Variants in LPP observed in about 807,000 individuals in gnomAD.
The protein encoded by LPP is lipoma-preferred partner.
A neutral mutation model predicts 60.4 loss-of-function variants in LPP; 38 were observed. The ratio of observed to expected loss-of-function variants is 0.63; its 90% CI spans 0.49 to 0.83. LPP has a LOEUF of 0.83. LPP is among the 40% of genes least tolerant of loss of function. LPP has a pLI of 0.00. For missense variants in LPP, 902 were observed against 783.6 expected (o/e 1.15, Z -1.80); for synonymous variants, 328 against 290.8 (o/e 1.13, Z -1.30).
intron 7 of LPP, among the ~76,000 whole-genome samples, chr3:188,618,289 T>G (rs576151971): frequency 6.6e-6 from 1 of 152,252 alleles, no homozygotes; most frequent in Non-Finnish European, 1.5e-5. Context: ...TAATACAGTT[T>G]GGTTTATTTC....
At chr3:188,484,157 T>C (rs1479408664) in intron 4 of LPP, among the ~76,000 whole-genome samples, 3 of 152,228 alleles carry the variant, frequency 2.0e-5, no homozygotes, top group African/African-American at 7.2e-5. Flanking sequence ...GAGACTTCCA[T>C]GATCCTCCAC....
intron 7 of LPP, among the ~76,000 whole-genome samples, chr3:188,681,117 C>T (rs1336986596): frequency 1.3e-5 from 2 of 151,940 alleles, no homozygotes; most frequent in African/African-American, 4.8e-5. Context: ...CTGCCTCAGC[C>T]TCTCGAGTAG....
intron 2 of LPP, among the ~76,000 whole-genome samples, chr3:188,306,488 T>C (rs1751585618): frequency 1.3e-5 from 2 of 152,222 alleles, no homozygotes; most frequent in Admixed American, 6.5e-5. Flanking sequence ...TGTTAGGCCA[T>C]ATGCCTACAG....
At chr3:188,584,937 G>T (rs975274997) in intron 6 of LPP, among the ~76,000 whole-genome samples, 2 of 151,924 alleles carry the variant, frequency 1.3e-5, no homozygotes, top group African/African-American at 4.8e-5. Context: ...TTAAAACTAG[G>T]ATGAAAGTTT....
chr3:188,676,313 G>A (rs546907459), intron 7 of LPP, among the ~76,000 whole-genome samples: 3 of 152,200 alleles, frequency 2.0e-5, no homozygotes, highest in Non-Finnish European at 2.9e-5. Context: ...GGCAGCCAGC[G>A]GGTACAAGCT....
intron 7 of LPP, among the ~76,000 whole-genome samples, chr3:188,645,247 ACTT>A (rs1219779681): frequency 6.6e-6 from 1 of 150,720 alleles, no homozygotes; most frequent in Non-Finnish European, 1.5e-5. Flanking sequence ...CAGTTCTAGA[ACTT>A]TTTTTTTTTT....
chr3:188,525,058 C>T (rs1304901421), intron 6 of LPP, among the ~76,000 whole-genome samples: 1 of 151,764 alleles, frequency 6.6e-6, no homozygotes, highest in African/African-American at 2.4e-5. Context: ...CCTCCGCCTC[C>T]CGGGTTCAAG....
In LPP at chr3:188,170,329, C is replaced by CT. The variant is rs34760455; in HGVS notation, c.-190+16096dup. 3.8e-3 allele frequency among the ~76,000 whole-genome samples: 362 copies of CT among 96,402 alleles called. 4 individuals are homozygous for CT. Among genetic ancestry groups the CT allele is most frequent in the Non-Finnish European group, 4.6e-3 (228 of 49,036 alleles). 63.2% of individuals were successfully genotyped at this position (96,402 alleles called of 152,430 possible). A position where few individuals can be genotyped will look rare whatever the true frequency, so the allele number is the denominator to read the frequency against. The stretch of plus-strand genomic sequence containing the variant: ...GTCTCAGTTTCTTTTCTTTTCTTTT[C>CT]TTTTTTTTTTTTTTTTTTTGAGAGG... On this transcript the variant is annotated intron_variant, in intron 1 of 11. Coordinates refer to ENST00000617246, the MANE Select transcript of LPP (RefSeq NM_001375462.1).
At chr3:188,386,508 T>C (rs2148626224) in intron 3 of LPP, among the ~76,000 whole-genome samples, 1 of 152,328 alleles carries the variant, frequency 6.6e-6, no homozygotes, top group Admixed American at 6.5e-5. Flanking sequence ...TGGTTATCCA[T>C]TGTGTATGCA....
intron 3 of LPP, among the ~76,000 whole-genome samples, chr3:188,348,191 G>A (rs1764897167): frequency 6.6e-6 from 1 of 151,388 alleles, no homozygotes; most frequent in Non-Finnish European, 1.5e-5. Flanking sequence ...TTATTGCTCA[G>A]GCTGGAGTGC....
At chr3:188,464,594 T>C (rs1237578696) in intron 4 of LPP, among the ~76,000 whole-genome samples, 2 of 152,174 alleles carry the variant, frequency 1.3e-5, no homozygotes, top group South Asian at 4.1e-4. Context: ...CTTTAAAATA[T>C]TGATATTTGG....
intron 8 of LPP, among the ~76,000 whole-genome samples, chr3:188,736,849 C>T (rs571361865): frequency 6.6e-6 from 1 of 151,926 alleles, no homozygotes; most frequent in East Asian, 1.9e-4. Flanking sequence ...TAATGCAAAA[C>T]TTATAATGGC....
intron 7 of LPP, among the ~76,000 whole-genome samples, chr3:188,672,535 C>T (rs1240538077): frequency 6.6e-6 from 1 of 152,090 alleles, no homozygotes; most frequent in African/African-American, 2.4e-5. Context: ...AGTGTGTGTA[C>T]GTTGATGGAG....
At chr3:188,667,452 T>A (rs1188806805) in intron 7 of LPP, among the ~76,000 whole-genome samples, 1 of 149,844 alleles carries the variant, frequency 6.7e-6, no homozygotes, top group Admixed American at 6.7e-5. Flanking sequence ...CACTCCAGCC[T>A]GGGTGACAGA....
At chr3:188,158,197 C>A (rs920308279) in intron 1 of LPP, among the ~76,000 whole-genome samples, 2 of 152,058 alleles carry the variant, frequency 1.3e-5, no homozygotes, top group Non-Finnish European at 2.9e-5. Flanking sequence ...TTAGAGGATC[C>A]AAGCTGAGTA....
At chr3:188,296,496 T>C (rs912909007) in intron 2 of LPP, among the ~76,000 whole-genome samples, 1 of 152,188 alleles carries the variant, frequency 6.6e-6, no homozygotes, top group African/African-American at 2.4e-5. Flanking sequence ...GTGGTTACAG[T>C]AGGTGATAAT....
chr3:188,381,065 T>C (rs1008219806), intron 3 of LPP, among the ~76,000 whole-genome samples: 1 of 152,304 alleles, frequency 6.6e-6, no homozygotes, highest in East Asian at 1.9e-4. Flanking sequence ...GTTTACCTTT[T>C]ATAGGCTCTG....
chr3:188,273,438 C>T (rs552662626), intron 2 of LPP, among the ~76,000 whole-genome samples: 1 of 152,192 alleles, frequency 6.6e-6, no homozygotes, highest in Admixed American at 6.5e-5. Flanking sequence ...TAGAAGTGAA[C>T]CATAAACCCT....
intron 1 of LPP, among the ~76,000 whole-genome samples, chr3:188,186,912 G>GTC (rs1301574245): frequency 6.6e-6 from 1 of 152,110 alleles, no homozygotes; most frequent in Non-Finnish European, 1.5e-5. Flanking sequence ...AGTCTTGACA[G>GTC]TTACATTTCT....
Sources: allele counts gnomAD v4.1 joint callset (sites outside exome capture counted in the v4.1 genomes callset), GRCh38; gene constraint gnomAD v4.1.1; transcripts MANE v1.5; gene names NCBI Gene and HGNC (gene_info 2026-07-23, HGNC 2026-07-21).